MAGI2: variants seen among roughly 807,000 people sequenced by gnomAD.
MAGI2 encodes the protein membrane-associated guanylate kinase, WW and PDZ domain-containing protein 2.
Under a neutral mutation model 133.3 loss-of-function variants are expected in MAGI2, and 35 were observed. The ratio of observed to expected loss-of-function variants is 0.26; its 90% CI spans 0.20 to 0.35. The LOEUF (loss-of-function observed/expected upper bound fraction) is 0.35, where lower values mean the gene tolerates loss of function less well. MAGI2 is among the 10% of genes least tolerant of loss of function. The probability of loss-of-function intolerance (pLI) is 1.00; values close to 1 mark genes in which losing one functional copy is unlikely to be tolerated. For missense variants in MAGI2, 1,636 were observed against 1,863.4 expected (o/e 0.88, Z 2.25); for synonymous variants, 729 against 710.6 (o/e 1.03, Z -0.41).
chr7:78,767,347 C>CTT (rs3086253), intron 2 of MAGI2, among the ~76,000 whole-genome samples: 42 of 146,206 alleles, frequency 2.9e-4, no homozygotes, highest in African/African-American at 4.7e-4. Flanking sequence ...AGGCAACACA[C>CTT]TTTTTTTTTT....
intron 9 of MAGI2, among the ~76,000 whole-genome samples, chr7:78,296,164 C>T (rs1248879764): frequency 6.6e-6 from 1 of 152,082 alleles, no homozygotes; most frequent in Non-Finnish European, 1.5e-5. Context: ...TTTTAAAAAT[C>T]CAAGTTTTAT....
intron 2 of MAGI2, among the ~76,000 whole-genome samples, chr7:78,689,018 T>C (rs1816676424): frequency 6.6e-6 from 1 of 152,190 alleles, no homozygotes; most frequent in African/African-American, 2.4e-5. Context: ...ATATCAAAAT[T>C]GCTTTCACAC....
At chr7:78,283,542 T>TAAATGTTCTCA (rs1233381487) in intron 9 of MAGI2, among the ~76,000 whole-genome samples, 1 of 152,158 alleles carries the variant, frequency 6.6e-6, no homozygotes, top group Non-Finnish European at 1.5e-5. Context: ...CCATTGTTTT[T>TAAATGTTCTCA]AAATGTTCTC....
chr7:78,943,213 C>T (rs1210910331), intron 2 of MAGI2, among the ~76,000 whole-genome samples: 3 of 151,976 alleles, frequency 2.0e-5, no homozygotes, highest in Admixed American at 2.0e-4. Flanking sequence ...AGTATTTGAA[C>T]ACTATGGGAT....
At chr7:78,544,646 T>G (rs1387510939) in intron 3 of MAGI2, among the ~76,000 whole-genome samples, 1 of 152,152 alleles carries the variant, frequency 6.6e-6, no homozygotes, top group African/African-American at 2.4e-5. Context: ...CATGTTGGAA[T>G]TGCAAACTCT....
At chr7:79,189,942 T>C (rs1447611639) in intron 1 of MAGI2, among the ~76,000 whole-genome samples, 2 of 151,858 alleles carry the variant, frequency 1.3e-5, no homozygotes, top group African/African-American at 2.4e-5. Flanking sequence ...CCTGTCTTTT[T>C]ATGGCTTAAT....
chr7:78,217,956 G>C (rs1788430885), intron 10 of MAGI2, among the ~76,000 whole-genome samples: 1 of 152,112 alleles, frequency 6.6e-6, no homozygotes, highest in South Asian at 2.1e-4. Context: ...TGACTATAAG[G>C]GGCATCATTT....
chr7:78,552,176 CTTTTTTTTTT>C (rs869196799), intron 3 of MAGI2, among the ~76,000 whole-genome samples: 2 of 90,348 alleles, frequency 2.2e-5, no homozygotes, highest in African/African-American at 4.5e-5. Context: ...ATTTGTTTTC[CTTTTTTTTTT>C]TTTTTTTTTT....
At chr7:78,727,834 T>A (rs1161080968) in intron 2 of MAGI2, among the ~76,000 whole-genome samples, 1 of 152,226 alleles carries the variant, frequency 6.6e-6, no homozygotes, top group Admixed American at 6.5e-5. Flanking sequence ...GAGGCATATA[T>A]GGACCAGTCA....
intron 10 of MAGI2, among the ~76,000 whole-genome samples, chr7:78,241,092 G>A (rs757540929): frequency 1.4e-4 from 22 of 151,986 alleles, no homozygotes; most frequent in East Asian, 3.9e-4. Context: ...GCTCATTGCC[G>A]TATTTCCAGC....
intron 1 of MAGI2, among the ~76,000 whole-genome samples, chr7:79,391,508 C>CAT (rs1286692402): frequency 0.25 from 17,208 of 67,692 alleles, 1,876 homozygotes; most frequent in Middle Eastern, 0.32. Context: ...TATATATAGA[C>CAT]ATATATATAT....
intron 1 of MAGI2, among the ~76,000 whole-genome samples, chr7:79,358,537 C>G (rs1346230600): frequency 6.6e-6 from 1 of 151,886 alleles, no homozygotes; most frequent in Non-Finnish European, 1.5e-5. Context: ...AGACAGATAG[C>G]CTGAAGAGGA....
intron 3 of MAGI2, among the ~76,000 whole-genome samples, chr7:78,566,121 T>C (rs1280134679): frequency 6.6e-6 from 1 of 152,186 alleles, no homozygotes; most frequent in Admixed American, 6.5e-5. Flanking sequence ...GATGGCCCCG[T>C]TGATGACATC....
In MAGI2 at chr7:78,656,372, T is replaced by A. The variant is rs932197279; in HGVS notation, c.419-29133A>T. ...TGTTATTCATCCTTTAAAAAGTAGA[T>A]CCTTGCATTTGCAACAACATGGATG... is the stretch of plus-strand genomic sequence containing the variant. On this transcript the variant is annotated intron_variant, in intron 2 of 21. Coordinates refer to ENST00000354212, the MANE Select transcript of MAGI2 (RefSeq NM_012301.4). Among the ~76,000 whole-genome samples, 10 of 152,328 alleles carry A rather than the reference T, an allele frequency of 6.6e-5. No homozygotes were observed. In the South Asian group the frequency reaches 1.0e-3, roughly 16 times the overall value.
intron 9 of MAGI2, among the ~76,000 whole-genome samples, chr7:78,304,111 C>G (rs1406489385): frequency 2.6e-5 from 4 of 152,144 alleles, no homozygotes. Context: ...GTCAATTTTA[C>G]CTTCAAAAAC....
chr7:78,572,578 C>A (rs1483803962), intron 3 of MAGI2, among the ~76,000 whole-genome samples: 1 of 152,028 alleles, frequency 6.6e-6, no homozygotes, highest in Non-Finnish European at 1.5e-5. Flanking sequence ...AACAGAATTC[C>A]CTTACCTACC....
intron 6 of MAGI2, among the ~76,000 whole-genome samples, chr7:78,427,867 G>A (rs185678827): frequency 1.0e-3 from 155 of 152,120 alleles, no homozygotes; most frequent in Admixed American, 5.2e-3. Flanking sequence ...GTCTGTCAGT[G>A]GTTCAAGACT....
At chr7:79,152,926 T>A (rs978000936) in intron 1 of MAGI2, among the ~76,000 whole-genome samples, 5 of 152,200 alleles carry the variant, frequency 3.3e-5, no homozygotes, top group Admixed American at 1.3e-4. Context: ...AAACAATGAT[T>A]TGTAATTTTT....
At chr7:79,114,156 G>T (rs776032488) in intron 1 of MAGI2, among the ~76,000 whole-genome samples, 1 of 152,058 alleles carries the variant, frequency 6.6e-6, no homozygotes, top group Non-Finnish European at 1.5e-5. Context: ...GACTTCTCCA[G>T]GTTAAGTGTT....
Sources: allele counts gnomAD v4.1 joint callset (sites outside exome capture counted in the v4.1 genomes callset), GRCh38; gene constraint gnomAD v4.1.1; transcripts MANE v1.5; gene names NCBI Gene and HGNC (gene_info 2026-07-23, HGNC 2026-07-21).